The following APLF variants were observed in gnomAD, a reference collection of about 807,000 sequenced individuals.
APLF encodes the protein aprataxin and PNK-like factor.
A neutral mutation model predicts 55.6 loss-of-function variants in APLF; 61 were observed. The ratio of observed to expected loss-of-function variants is 1.10; its 90% CI spans 0.89 to 1.36. The LOEUF (loss-of-function observed/expected upper bound fraction) is 1.36. Ranked by LOEUF, APLF falls within the 40% of genes most tolerant of loss-of-function variation. The pLI, the probability that APLF is intolerant of heterozygous loss-of-function variation, is 0.00. For missense variants in APLF, 611 were observed against 602.5 expected (o/e 1.01, Z -0.15); for synonymous variants, 207 against 214.8 (o/e 0.96, Z 0.32).
At chr2:68,532,653 G>A (rs557226319) in intron 6 of APLF, among the ~76,000 whole-genome samples, 2 of 152,322 alleles carry the variant, frequency 1.3e-5, no homozygotes, top group African/African-American at 4.8e-5. Flanking sequence ...TCATAAGACA[G>A]TTGTCAGAAA....
chr2:68,536,827 T>A (rs1486209291), intron 6 of APLF, among the ~76,000 whole-genome samples: 1 of 152,250 alleles, frequency 6.6e-6, no homozygotes, highest in East Asian at 1.9e-4. Flanking sequence ...GGTAAAATCA[T>A]GATTACATTT....
chr2:68,545,441 G>T (rs774096563), intron 8 of APLF, 129 bp downstream of exon 8: 11 of 1,172,680 alleles, frequency 9.4e-6, no homozygotes, highest in Non-Finnish European at 1.2e-5. Context: ...TAGATTACAG[G>T]TTTTCATGTT....
chr2:68,564,507 G>A (rs986160015), intron 8 of APLF, among the ~76,000 whole-genome samples: 1 of 152,036 alleles, frequency 6.6e-6, no homozygotes, highest in South Asian at 2.1e-4. Flanking sequence ...TAAGTATTCT[G>A]TAACTGTTTC....
At chr2:68,487,494 A>G (rs1435135917) in intron 1 of APLF, among the ~76,000 whole-genome samples, 1 of 152,154 alleles carries the variant, frequency 6.6e-6, no homozygotes, top group Non-Finnish European at 1.5e-5. Context: ...TAATAATAGT[A>G]TCTTCACAGA....
chr2:68,506,088 T>G (rs991892226), intron 3 of APLF, among the ~76,000 whole-genome samples: 2 of 151,910 alleles, frequency 1.3e-5, no homozygotes, highest in Admixed American at 1.3e-4. Context: ...GAACCAGAAG[T>G]GAAGACCAAA....
At position 68,557,911 on chromosome 2, in the gene APLF, A is replaced by T. The variant is rs1008824824; in HGVS notation, c.1287-9430A>T. Among the ~76,000 whole-genome samples the T allele has an allele frequency of 3.4e-5, 4 of 116,166 alleles. 1 individual carries two copies. The highest frequency in any genetic ancestry group is 1.7e-4 in the Admixed American group (2 of 11,802). The allele number at this position is 116,166 out of a possible 152,430, so 76.2% of individuals were successfully genotyped here. On this transcript the variant is annotated intron_variant, in intron 8 of 9. Transcript: ENST00000303795. ...GGGCGATAGAATGAGACTCCATCTGAAAAAAAAAAAAAATAGTCAAAGTTG... is the reference window on the plus strand; with the variant it reads ...GGGCGATAGAATGAGACTCCATCTGTAAAAAAAAAAAAATAGTCAAAGTTG...
intron 1 of APLF, 24 bp downstream of exon 1, chr2:68,467,851 G>C (rs189902245): frequency 8.1e-6 from 10 of 1,230,394 alleles, no homozygotes; most frequent in African/African-American, 1.6e-5. Context: ...GGGGCTTAGC[G>C]GACCCCGAGA....
At chr2:68,502,980 A>G in intron 3 of APLF, 77 bp downstream of exon 3, 1 of 1,424,826 alleles carries the variant, frequency 7.0e-7, no homozygotes, top group Non-Finnish European at 9.6e-7. Context: ...CTTCGGTAGG[A>G]ACCAGTAGAA....
At chr2:68,534,986 G>A (rs753391227) in intron 6 of APLF, among the ~76,000 whole-genome samples, 1 of 152,138 alleles carries the variant, frequency 6.6e-6, no homozygotes, top group Non-Finnish European at 1.5e-5. Flanking sequence ...TGCCAAGGGT[G>A]TACTATAAAT....
At chr2:68,505,878 C>G (rs1210533065) in intron 3 of APLF, among the ~76,000 whole-genome samples, 1 of 151,998 alleles carries the variant, frequency 6.6e-6, no homozygotes, top group East Asian at 1.9e-4. Context: ...TTAAGTCAAT[C>G]TCCAGCCCCT....
intron 6 of APLF, among the ~76,000 whole-genome samples, chr2:68,534,001 A>T (rs1270796842): frequency 2.0e-5 from 3 of 152,216 alleles, no homozygotes; most frequent in Non-Finnish European, 2.9e-5. Context: ...AGATTGTGGC[A>T]TTAACAAAGT....
chr2:68,506,415 A>G (rs1676874420), intron 3 of APLF, among the ~76,000 whole-genome samples: 1 of 151,746 alleles, frequency 6.6e-6, no homozygotes, highest in African/African-American at 2.4e-5. Flanking sequence ...AAGCATTGAA[A>G]TACACTTCTA....
At chr2:68,469,220 G>A (rs1175545491) in intron 1 of APLF, among the ~76,000 whole-genome samples, 3 of 152,002 alleles carry the variant, frequency 2.0e-5, no homozygotes, top group Non-Finnish European at 1.5e-5. Flanking sequence ...TTTTAAATTC[G>A]TAGGTTTGAA....
intron 9 of APLF, among the ~76,000 whole-genome samples, chr2:68,574,017 C>A (rs1243443333): frequency 2.0e-5 from 3 of 146,660 alleles, no homozygotes; most frequent in African/African-American, 5.0e-5. Flanking sequence ...GCATTCTAGG[C>A]AAAAATAGAG....
In APLF at chr2:68,474,094, T is replaced by C. The variant is rs186945046; in HGVS notation, c.96+6267T>C. Among the ~76,000 whole-genome samples the C allele has an allele frequency of 5.5e-3, 834 of 152,292 alleles. 16 individuals carry two copies. The highest frequency in any genetic ancestry group is 3.2e-3 in the Non-Finnish European group (216 of 68,022). On this transcript the variant is annotated intron_variant, in intron 1 of 9. Coordinates refer to ENST00000303795, the MANE Select transcript of APLF (RefSeq NM_173545.3). ...TAGAACTGGTTTGTTATAAGGGATATGACAAAGGATACAGATGAGGAGATG... is the reference window on the plus strand; with the variant it reads ...TAGAACTGGTTTGTTATAAGGGATACGACAAAGGATACAGATGAGGAGATG...
At position 68,492,637 on chromosome 2, in the gene APLF, G is replaced by T. The variant is rs149818000; in HGVS notation, c.168+2376G>T. Among the ~76,000 whole-genome samples the T allele has an allele frequency of 1.1e-3, 170 of 152,074 alleles. 3 individuals carry two copies. The East Asian group carries it at 0.012, about 11-fold the overall frequency. On this transcript the variant is annotated intron_variant, in intron 2 of 9. Coordinates refer to ENST00000303795, the MANE Select transcript of APLF (RefSeq NM_173545.3). ...TTTAGCAGTGTTCAGTTATAAAAAG[G>T]CTCCTTTTTAAAATACTCTTCACTT...
At chr2:68,563,499 T>A in intron 8 of APLF, 1 of 397,302 alleles carries the variant, frequency 2.5e-6, no homozygotes, top group South Asian at 1.0e-4. Context: ...CTGAAACTTT[T>A]AAGTTGAACC....
intron 1 of APLF, among the ~76,000 whole-genome samples, chr2:68,485,192 G>T (rs544577624): frequency 6.6e-6 from 1 of 151,518 alleles, no homozygotes; most frequent in South Asian, 2.1e-4. Context: ...TGCACTTTTT[G>T]CATTTTTTTA....
chr2:68,540,585 C>T (rs551397330), intron 7 of APLF, among the ~76,000 whole-genome samples: 25 of 152,260 alleles, frequency 1.6e-4, no homozygotes, highest in Admixed American at 3.9e-4. Context: ...GGAATTGTCA[C>T]GCTATCTTCC....
Sources: gnomAD v4.1 joint callset for allele counts (sites outside exome capture counted in the v4.1 genomes callset) on GRCh38, gnomAD v4.1.1 for gene constraint, MANE v1.5 for transcripts, NCBI Gene and HGNC (gene_info 2026-07-23, HGNC 2026-07-21) for gene names.